The following PPFIBP1 variants were observed in gnomAD, a reference collection of about 807,000 sequenced individuals.
PPFIBP1 encodes the protein PPFIB scaffold protein 1.
Under a neutral mutation model 137.8 loss-of-function variants are expected in PPFIBP1, and 112 were observed. That is an observed-to-expected ratio of 0.81 (90% CI 0.70 to 0.95). PPFIBP1 has a LOEUF of 0.95. Among genes scored for constraint, PPFIBP1 ranks in the 40% least tolerant of loss-of-function variants. The probability of loss-of-function intolerance (pLI) is 0.00; values close to 1 mark genes in which losing one functional copy is unlikely to be tolerated. For synonymous variants in PPFIBP1, 378 were observed against 417.3 expected, an observed-to-expected ratio of 0.91 and a Z score of 1.15; for missense variants, 1,083 against 1,196.6, an observed-to-expected ratio of 0.91 and a Z score of 1.40.
Position 27,634,976 on chromosome 12 carries a change from G to A in PPFIBP1, c.131G>A (p.Gly44Glu), listed in dbSNP as rs1372733517. Residue 44 changes from glycine to glutamate, a missense_variant, in exon 4 of 30, where the codon GGA (glycine) becomes GAA (glutamate). By Grantham distance (98) the Gly-to-Glu change is moderately conservative. Transcript: ENST00000228425. ...DCQSPTSPFM[G>E]SLRALHLVED... is the part of the protein sequence containing the mutation. ...CAATCTCCCACCTCTCCATTCATGGGAAGTTTGCGAGCTCTGCACCTTGTG... is the reference window on the plus strand; with the variant it reads ...CAATCTCCCACCTCTCCATTCATGGAAAGTTTGCGAGCTCTGCACCTTGTG... The A allele has an allele frequency of 6.2e-7, 1 of 1,614,132 alleles. No homozygotes were observed. The highest frequency in any genetic ancestry group is 1.7e-5 in the Admixed American group (1 of 60,018).
At chr12:27,663,975 T>C (rs1288222015) in intron 11 of PPFIBP1, among the ~76,000 whole-genome samples, 1 of 151,848 alleles carries the variant, frequency 6.6e-6, no homozygotes, top group Non-Finnish European at 1.5e-5. Flanking sequence ...AAGATGGGGG[T>C]CTTTCTTTTA....
At chr12:27,638,909 G>T (rs2057895243) in intron 4 of PPFIBP1, among the ~76,000 whole-genome samples, 2 of 26,926 alleles carry the variant, frequency 7.4e-5, no homozygotes, top group Admixed American at 5.1e-4. Context: ...AACTTGAGAG[G>T]CCCTGTACTT....
At chr12:27,549,461 G>T (rs967752580) in intron 1 of PPFIBP1, 1 of 151,910 alleles carries the variant, frequency 6.6e-6, no homozygotes, top group Admixed American at 6.6e-5. Flanking sequence ...TGTGACTCAC[G>T]TCTGCAAAGA....
intron 1 of PPFIBP1, among the ~76,000 whole-genome samples, chr12:27,566,843 C>T (rs975714464): frequency 5.8e-4 from 88 of 152,262 alleles, no homozygotes; most frequent in Middle Eastern, 3.4e-3. Context: ...TCCTACTAAC[C>T]GCTCTGTACC....
intron 2 of PPFIBP1, among the ~76,000 whole-genome samples, chr12:27,604,885 A>G (rs753943240): frequency 2.6e-5 from 4 of 152,226 alleles, no homozygotes; most frequent in Non-Finnish European, 4.4e-5. Flanking sequence ...GCAAGGAGGA[A>G]CAAGTCACAT....
At chr12:27,559,027 GTTTTTTA>G (rs1196841464) in intron 1 of PPFIBP1, among the ~76,000 whole-genome samples, 2 of 151,862 alleles carry the variant, frequency 1.3e-5, no homozygotes, top group African/African-American at 2.4e-5. Flanking sequence ...ACCTGACTAA[GTTTTTTA>G]TTTTTTATTT....
chr12:27,594,591 A>G (rs1441348643), intron 2 of PPFIBP1, among the ~76,000 whole-genome samples: 1 of 152,190 alleles, frequency 6.6e-6, no homozygotes, highest in African/African-American at 2.4e-5. Context: ...AACTTACTTC[A>G]TTGTGTTATA....
intron 17 of PPFIBP1, among the ~76,000 whole-genome samples, chr12:27,675,548 A>G (rs140068384): frequency 5.3e-4 from 80 of 152,342 alleles, no homozygotes; most frequent in African/African-American, 1.6e-3. Context: ...TAGAGAAATG[A>G]AAACAAGAAG....
At chr12:27,656,583 T>G (rs2059213662) in intron 8 of PPFIBP1, 33 bp from the exon 9 acceptor site, 1 of 1,309,140 alleles carries the variant, frequency 7.6e-7, no homozygotes, top group Non-Finnish European at 1.1e-6. Flanking sequence ...TCAGTCATGA[T>G]CTGCTATTTT....
At chr12:27,598,014 A>G (rs977950925) in intron 2 of PPFIBP1, among the ~76,000 whole-genome samples, 6 of 152,240 alleles carry the variant, frequency 3.9e-5, no homozygotes, top group Admixed American at 3.9e-4. Context: ...CATGTCAGCC[A>G]GGCTGGTGTC....
chr12:27,682,677 G>T lies in PPFIBP1; in HGVS notation c.2221G>T (p.Gly741Cys). Residue 741 changes from glycine (G) to cysteine (C), a missense_variant, in exon 24 of 30, where the codon GGT (glycine) becomes TGT (cysteine). Coordinates refer to ENST00000228425, the MANE Select transcript of PPFIBP1 (RefSeq NM_003622.4). ...KTQFDEGRVD[G>C]RMLHYMTVDD... ...CCAGTTTGATGAAGGACGGGTTGAT[G>T]GTCGAATGCTACATTACATGACTGT... 6.2e-7 allele frequency: 1 copy of T among 1,614,134 alleles called. No individual in the cohort carries two copies. The highest frequency in any genetic ancestry group is 1.3e-5 in the African/African-American group (1 of 75,042).
At chr12:27,659,986 C>A (rs528321439) in intron 10 of PPFIBP1, among the ~76,000 whole-genome samples, 41 of 151,168 alleles carry the variant, frequency 2.7e-4, no homozygotes, top group Non-Finnish European at 5.0e-4. Context: ...TTCTCAGAAG[C>A]AGGCAACTTT....
chr12:27,675,915 G>A (rs902728311), intron 17 of PPFIBP1, among the ~76,000 whole-genome samples: 2 of 152,092 alleles, frequency 1.3e-5, no homozygotes, highest in African/African-American at 4.8e-5. Context: ...TAAAATAACT[G>A]GAATAGAATC....
chr12:27,609,445 A>G (rs1592825420), intron 2 of PPFIBP1, among the ~76,000 whole-genome samples: 2 of 152,248 alleles, frequency 1.3e-5, no homozygotes, highest in Middle Eastern at 6.8e-3. Context: ...CATCAGTCCC[A>G]TCTCCTAACA....
chr12:27,584,942 A>C (rs1446735637), intron 2 of PPFIBP1, among the ~76,000 whole-genome samples: 5 of 152,324 alleles, frequency 3.3e-5, no homozygotes, highest in African/African-American at 1.2e-4. Flanking sequence ...CTGATGGCCC[A>C]CTGTAGGGCA....
At chr12:27,640,185 G>A (rs1387263223) in intron 4 of PPFIBP1, among the ~76,000 whole-genome samples, 1 of 152,146 alleles carries the variant, frequency 6.6e-6, no homozygotes, top group African/African-American at 2.4e-5. Flanking sequence ...AGTTTACAGA[G>A]GTAAAAGATG....
chr12:27,683,812 G>C (rs2061027473), intron 24 of PPFIBP1, among the ~76,000 whole-genome samples: 1 of 151,506 alleles, frequency 6.6e-6, no homozygotes, highest in Admixed American at 6.6e-5. Context: ...TTTTGAGACG[G>C]AGTCTCGCTC....
At chr12:27,525,529 A>AG in intron 1 of PPFIBP1, among the ~76,000 whole-genome samples, 1 of 151,436 alleles carries the variant, frequency 6.6e-6, no homozygotes, top group Admixed American at 6.6e-5. Flanking sequence ...AAAAAAAAAA[A>AG]AAAAAAAGTA....
At chr12:27,565,047 A>G (rs2049525104) in intron 1 of PPFIBP1, among the ~76,000 whole-genome samples, 1 of 152,184 alleles carries the variant, frequency 6.6e-6, no homozygotes, top group Admixed American at 6.5e-5. Context: ...TTGACTTCCC[A>G]ACCCATTTCC....
Sources: allele counts gnomAD v4.1 joint callset (sites outside exome capture counted in the v4.1 genomes callset), GRCh38; gene constraint gnomAD v4.1.1; transcripts MANE v1.5; gene names NCBI Gene and HGNC (gene_info 2026-07-23, HGNC 2026-07-21).